The following RAB8A variants were observed in gnomAD, a reference collection of about 807,000 sequenced individuals.
The protein encoded by RAB8A is ras-related protein Rab-8A.
Under a neutral mutation model 29.2 loss-of-function variants are expected in RAB8A, and 5 were observed. The observed-to-expected ratio is 0.17, with a 90% confidence interval of 0.09 to 0.36. The LOEUF (loss-of-function observed/expected upper bound fraction) is 0.36, where lower values mean the gene tolerates loss of function less well. RAB8A is among the 10% of genes least tolerant of loss of function. The pLI, the probability that RAB8A is intolerant of heterozygous loss-of-function variation, is 1.00. For missense variants in RAB8A, 171 were observed against 272.2 expected (o/e 0.63, Z 2.62); for synonymous variants, 108 against 99.9 (o/e 1.08, Z -0.49).
At chr19:16,130,855 G>T (rs554400210) in intron 7 of RAB8A, among the ~76,000 whole-genome samples, 89 of 151,488 alleles carry the variant, frequency 5.9e-4, no homozygotes, top group Non-Finnish European at 1.1e-3. Flanking sequence ...AAGGAGTCTC[G>T]CTCTGTTGCC....
rs971466757 is a variant in RAB8A, at chr19:16,127,797, C to T, written c.415-229C>T. ...CCATAGTTTGATCCCAGCAGGTCCC[C>T]GCCACCCTCCCATCTCAGCTGCCAT... On this transcript the variant is annotated intron_variant, in intron 5 of 7. Transcript: ENST00000300935. This position sits in a 1 kb window ranked among gnomAD's most constrained non-coding sequence, Gnocchi z 4.8. 2 of 626,694 alleles carry T rather than the reference C, an allele frequency of 3.2e-6. No homozygotes were observed. Among genetic ancestry groups the T allele is most frequent in the Admixed American group, 2.5e-5 (1 of 39,506 alleles). 38.8% of individuals were successfully genotyped at this position (626,694 alleles called of 1,614,324 possible). A position where few individuals can be genotyped will look rare whatever the true frequency, so the allele number is the denominator to read the frequency against.
rs2090931219 is a variant in RAB8A at position 16,132,584 on chromosome 19, G to A, written c.*280G>A. 2.3e-6 allele frequency: 1 copy of A among 427,638 alleles called. No individual in the cohort carries two copies. 26.5% of individuals were successfully genotyped at this position (427,638 alleles called of 1,614,324 possible). A position where few individuals can be genotyped will look rare whatever the true frequency, so the allele number is the denominator to read the frequency against. Reference sequence around the variant, plus strand: ...TTGTATATTCAGAGAGAGAGAGGGAGTCAAGGTGTGACCGTCGACCACAGC... The same window carrying A: ...TTGTATATTCAGAGAGAGAGAGGGAATCAAGGTGTGACCGTCGACCACAGC... On this transcript the variant is annotated 3_prime_UTR_variant, in exon 8 of 8. Transcript: ENST00000300935. The surrounding 1 kb of genome is among the most constrained non-coding windows in gnomAD (Gnocchi z 5.6).
intron 6 of RAB8A, 98 bp from the exon 7 acceptor site, chr19:16,129,456 C>A: frequency 8.2e-7 from 1 of 1,213,718 alleles, no homozygotes; most frequent in South Asian, 1.2e-5. Context: ...ATGGGAGGCC[C>A]ACGCCTGGGA....
intron 1 of RAB8A, among the ~76,000 whole-genome samples, chr19:16,117,231 A>G (rs190231020): frequency 1.7e-3 from 257 of 152,062 alleles, no homozygotes; most frequent in African/African-American, 5.7e-3. Flanking sequence ...GCTGATGCCT[A>G]TAATCCCAGC....
intron 3 of RAB8A, 48 bp downstream of exon 3, chr19:16,121,858 T>C: frequency 3.2e-6 from 5 of 1,543,680 alleles, no homozygotes; most frequent in Non-Finnish European, 3.6e-6. Context: ...TAAGTCAACA[T>C]GGGAGCGTCA....
At position 16,127,565 on chromosome 19, in the gene RAB8A, C is replaced by T; in HGVS notation, c.414+39C>T. The T allele has an allele frequency of 7.0e-7, 1 of 1,418,766 alleles. No homozygotes were observed. The highest frequency in any genetic ancestry group is 9.4e-7 in the Non-Finnish European group (1 of 1,060,450). 87.9% of individuals were successfully genotyped at this position (1,418,766 alleles called of 1,614,324 possible). On this transcript the variant is annotated intron_variant, in intron 5 of 7. Transcript: ENST00000300935. This position sits in a 1 kb window ranked among gnomAD's most constrained non-coding sequence, Gnocchi z 4.8. ...CACAAGGGGCAGAGGGCCTCGGGGT[C>T]TTGGGGTTCTTGTGCAGAGGCCTTC...
At chr19:16,124,848 C>G (rs116059303) in intron 3 of RAB8A, 2,184 of 158,320 alleles carry the variant, frequency 0.014, 49 homozygotes, top group African/African-American at 0.05. Context: ...GGGGCTGCCC[C>G]GAAGCTCTTC....
chr19:16,125,330 A>G lies in RAB8A; in HGVS notation c.247-140A>G, dbSNP rs1307811059. The G allele has an allele frequency of 2.8e-6, 2 of 702,596 alleles. No homozygotes were observed. Among genetic ancestry groups the G allele is most frequent in the Non-Finnish European group, 4.9e-6 (2 of 407,432 alleles). The allele number at this position is 702,596 out of a possible 1,614,324, so 43.5% of individuals were successfully genotyped here. On this transcript the variant is annotated intron_variant, in intron 3 of 7. Transcript: ENST00000300935. The surrounding 1 kb of genome is among the most constrained non-coding windows in gnomAD (Gnocchi z 5.0). ...AGGGGGCTGGCTTCCGGGGCTCCAC[A>G]GAGGTGGGGAGGGCGGCAGCTAATG... is the stretch of plus-strand genomic sequence containing the variant.
At chr19:16,129,117 C>A (rs2090914453) in intron 6 of RAB8A, among the ~76,000 whole-genome samples, 1 of 151,970 alleles carries the variant, frequency 6.6e-6, no homozygotes, top group Non-Finnish European at 1.5e-5. Context: ...GAGGCCAGAG[C>A]TGACAGAACC....
At chr19:16,123,434 C>T (rs900488546) in intron 3 of RAB8A, among the ~76,000 whole-genome samples, 3 of 152,088 alleles carry the variant, frequency 2.0e-5, no homozygotes, top group African/African-American at 7.2e-5. Flanking sequence ...TGGTAAAATT[C>T]CATCTCTACT....
intron 7 of RAB8A, among the ~76,000 whole-genome samples, chr19:16,131,968 G>T (rs1007188118): frequency 6.6e-6 from 1 of 151,742 alleles, no homozygotes; most frequent in Admixed American, 6.6e-5. Flanking sequence ...TGATTGGTTG[G>T]TTGGATGGCT....
At chr19:16,117,135 G>A (rs1476415401) in intron 1 of RAB8A, among the ~76,000 whole-genome samples, 1 of 152,170 alleles carries the variant, frequency 6.6e-6, no homozygotes, top group South Asian at 2.1e-4. Flanking sequence ...GTCATATTCT[G>A]TTGTATGGTT....
intron 3 of RAB8A, chr19:16,124,813 C>T (rs558416553): frequency 5.9e-5 from 9 of 152,600 alleles, no homozygotes; most frequent in African/African-American, 2.0e-4. Context: ...ACAGCAGTAG[C>T]GAGGCTGTGG....
intron 7 of RAB8A, among the ~76,000 whole-genome samples, chr19:16,131,896 T>TTGGA (rs1260787519): frequency 2.4e-5 from 3 of 127,518 alleles, no homozygotes; most frequent in African/African-American, 8.8e-5. Context: ...GGTTGGTTGG[T>TTGGA]TGGATGGTTG....
chr19:16,118,060 C>T (rs927827246), intron 1 of RAB8A, among the ~76,000 whole-genome samples, 166 bp from the exon 2 acceptor site: 1 of 152,166 alleles, frequency 6.6e-6, no homozygotes, highest in African/African-American at 2.4e-5. Flanking sequence ...GAAAATATCT[C>T]CAAGTGTTTC....
At chr19:16,129,881 C>G (rs1184476609) in intron 7 of RAB8A, among the ~76,000 whole-genome samples, 1 of 151,978 alleles carries the variant, frequency 6.6e-6, no homozygotes, top group African/African-American at 2.4e-5. Flanking sequence ...ACTCAAGGGC[C>G]AGAAAGACAA....
intron 6 of RAB8A, among the ~76,000 whole-genome samples, 177 bp from the exon 7 acceptor site, chr19:16,129,377 G>A (rs1036190907): frequency 6.6e-5 from 10 of 152,140 alleles, no homozygotes; most frequent in Non-Finnish European, 1.2e-4. Flanking sequence ...AGAGGGAGCC[G>A]GGGAAGGATG....
intron 7 of RAB8A, among the ~76,000 whole-genome samples, chr19:16,130,838 T>TC (rs1168746112): frequency 2.2e-5 from 3 of 133,698 alleles, no homozygotes; most frequent in African/African-American, 7.8e-5. Context: ...TTTTCTTTTT[T>TC]TTTGAGAAGG....
intron 4 of RAB8A, chr19:16,126,800 C>A (rs979525400): frequency 1.3e-5 from 2 of 152,188 alleles, no homozygotes; most frequent in Non-Finnish European, 2.9e-5. Context: ...AAGTTTGAGA[C>A]CAGCCTAGCC....
Sources: gnomAD v4.1 joint callset for allele counts (sites outside exome capture counted in the v4.1 genomes callset) on GRCh38, gnomAD v4.1.1 for gene constraint, Gnocchi (gnomAD v3.1) non-coding constraint, MANE v1.5 for transcripts, NCBI Gene and HGNC (gene_info 2026-07-23, HGNC 2026-07-21) for gene names.